SP4: variants seen among roughly 807,000 people sequenced by gnomAD.
SP4 encodes the protein Sp4 transcription factor.
A neutral mutation model predicts 72.8 loss-of-function variants in SP4; 19 were observed. The observed-to-expected ratio is 0.26, with a 90% CI of 0.18 to 0.38. The LOEUF is 0.38. Among genes scored for constraint, SP4 ranks in the 10% least tolerant of loss-of-function variants. The pLI, the probability that SP4 is intolerant of heterozygous loss-of-function variation, is 1.00. For synonymous variants in SP4, 395 were observed against 333.1 expected (o/e 1.19, Z -2.02); for missense variants, 1,008 against 926.3 (o/e 1.09, Z -1.14).
rs563760509 is a variant in SP4 at position 21,478,683 on chromosome 7, G to C, written c.1907+1376G>C. Reference sequence around the variant, plus strand: ...GGAGAAATGTTTATTTGGATCTTTTGCCCATTTTAAATTATATTATTTATT... The same window carrying C: ...GGAGAAATGTTTATTTGGATCTTTTCCCCATTTTAAATTATATTATTTATT... On this transcript the variant is annotated intron_variant, in intron 4 of 5. Coordinates refer to ENST00000222584, the MANE Select transcript of SP4 (RefSeq NM_003112.5). Among the ~76,000 whole-genome samples, 4 of 152,184 alleles carry C rather than the reference G, an allele frequency of 2.6e-5. No homozygotes were observed. In the East Asian group the frequency reaches 7.7e-4, roughly 29 times the overall value.
At chr7:21,470,651 A>T (rs554606087) in intron 3 of SP4, among the ~76,000 whole-genome samples, 11 of 152,234 alleles carry the variant, frequency 7.2e-5, no homozygotes, top group Admixed American at 3.9e-4. Context: ...AGAAATGTCC[A>T]ACAAGCTAGA....
chr7:21,443,869 T>G (rs1402100679), intron 3 of SP4, among the ~76,000 whole-genome samples: 1 of 152,264 alleles, frequency 6.6e-6, no homozygotes, highest in East Asian at 1.9e-4. Context: ...AATCTACATA[T>G]GAACCAGGTT....
At chr7:21,510,945 C>T in intron 5 of SP4, 77 bp from the exon 6 acceptor site, 1 of 1,389,294 alleles carries the variant, frequency 7.2e-7, no homozygotes, top group Non-Finnish European at 9.8e-7. Context: ...ATAATGTGAC[C>T]AGAAGGGAGA....
intron 3 of SP4, among the ~76,000 whole-genome samples, chr7:21,447,403 G>A (rs901931770): frequency 3.3e-5 from 5 of 152,184 alleles, no homozygotes; most frequent in South Asian, 2.1e-4. Flanking sequence ...CTTCTGGTTA[G>A]TGTGCCCCAG....
intron 3 of SP4, among the ~76,000 whole-genome samples, chr7:21,458,954 A>G (rs1413487147): frequency 6.6e-6 from 1 of 152,192 alleles, no homozygotes; most frequent in African/African-American, 2.4e-5. Context: ...GTGTTGGACC[A>G]ACCTCTCTTG....
At chr7:21,499,022 G>T (rs1193433222) in intron 5 of SP4, among the ~76,000 whole-genome samples, 1 of 148,176 alleles carries the variant, frequency 6.7e-6, no homozygotes, top group Non-Finnish European at 1.5e-5. Flanking sequence ...AGAGCTTACA[G>T]TGAGCCGAGA....
chr7:21,468,448 A>T (rs985984891), intron 3 of SP4, among the ~76,000 whole-genome samples: 1 of 152,032 alleles, frequency 6.6e-6, no homozygotes, highest in African/African-American at 2.4e-5. Context: ...AATCTTCCTC[A>T]AGATCTTGCA....
At chr7:21,491,893 T>TA (rs141984481) in intron 5 of SP4, among the ~76,000 whole-genome samples, 116,121 of 151,664 alleles carry the variant, frequency 0.77, 45,048 homozygotes, top group East Asian at 0.9. Flanking sequence ...TTCTTCAAGG[T>TA]AAAATTAATT....
At chr7:21,461,453 C>T (rs1016865680) in intron 3 of SP4, among the ~76,000 whole-genome samples, 3 of 152,166 alleles carry the variant, frequency 2.0e-5, no homozygotes, top group South Asian at 2.1e-4. Flanking sequence ...GGGGACCCGG[C>T]GCATCCTCCG....
intron 5 of SP4, among the ~76,000 whole-genome samples, chr7:21,500,758 C>G (rs1333266658): frequency 1.3e-5 from 2 of 152,178 alleles, no homozygotes; most frequent in Non-Finnish European, 2.9e-5. Context: ...AAAGAAAGCT[C>G]TTCGCTTTTA....
intron 3 of SP4, among the ~76,000 whole-genome samples, chr7:21,441,099 CAA>C (rs778725417): frequency 6.6e-6 from 1 of 152,090 alleles, no homozygotes; most frequent in Non-Finnish European, 1.5e-5. Flanking sequence ...GCATGGAAAA[CAA>C]GTGTGAGAGC....
chr7:21,466,077 A>C (rs1784159475), intron 3 of SP4, among the ~76,000 whole-genome samples: 1 of 151,974 alleles, frequency 6.6e-6, no homozygotes, highest in Non-Finnish European at 1.5e-5. Context: ...TTTCTTTTTG[A>C]CAGTAAATCA....
intron 3 of SP4, among the ~76,000 whole-genome samples, chr7:21,463,076 CTTTTTTT>C (rs578120285): frequency 4.4e-5 from 6 of 137,904 alleles, no homozygotes; most frequent in African/African-American, 1.6e-4. Flanking sequence ...AATAACTTTT[CTTTTTTT>C]TTTTTTTTGA....
At chr7:21,510,406 C>G (rs941077442) in intron 5 of SP4, among the ~76,000 whole-genome samples, 1 of 152,044 alleles carries the variant, frequency 6.6e-6, no homozygotes, top group Non-Finnish European at 1.5e-5. Flanking sequence ...AGAAGTCGGT[C>G]CAGTAAAACT....
intron 5 of SP4, among the ~76,000 whole-genome samples, chr7:21,495,448 AC>A (rs904017961): frequency 6.6e-6 from 1 of 151,926 alleles, no homozygotes; most frequent in African/African-American, 2.4e-5. Context: ...TTGACACTTC[AC>A]CAGAGAACAT....
At chr7:21,469,753 A>G (rs1432873013) in intron 3 of SP4, among the ~76,000 whole-genome samples, 1 of 152,062 alleles carries the variant, frequency 6.6e-6, no homozygotes, top group Non-Finnish European at 1.5e-5. Context: ...CATATTGGCC[A>G]GGCTAGGACT....
At position 21,477,144 on chromosome 7, in the gene SP4, G is replaced by A; in HGVS notation, c.1744G>A (p.Val582Ile). 2 of 1,614,156 alleles carry A rather than the reference G, an allele frequency of 1.2e-6. No homozygotes were observed. Among genetic ancestry groups the A allele is most frequent in the Non-Finnish European group, 8.5e-7 (1 of 1,179,988 alleles). ...TACTATAGCTCCTGTAACTGTAGCA[G>A]TTGGAGGAATTGCTAATGCCACGAT... Reference protein sequence around the residue: ...QATIAPVTVAVGGIANATIGA... With the variant: ...QATIAPVTVAIGGIANATIGA... Residue 582 changes from valine to isoleucine, a missense_variant, in exon 4 of 6, where the codon GTT becomes ATT. Around this residue, in one of 3 missense-constraint regions of SP4, gnomAD observed 893 missense variants for 743.3 expected, o/e 1.20. Transcript: ENST00000222584.
At chr7:21,496,697 G>C (rs933507802) in intron 5 of SP4, among the ~76,000 whole-genome samples, 2 of 151,492 alleles carry the variant, frequency 1.3e-5, no homozygotes, top group African/African-American at 4.8e-5. Flanking sequence ...TTTTCAAATT[G>C]GGGAAGTTTT....
chr7:21,467,537 C>G (rs978499390), intron 3 of SP4, among the ~76,000 whole-genome samples: 1 of 152,138 alleles, frequency 6.6e-6, no homozygotes, highest in Non-Finnish European at 1.5e-5. Flanking sequence ...CTCCCCAGCC[C>G]TAAGCATATT....
Sources: allele counts gnomAD v4.1 joint callset (sites outside exome capture counted in the v4.1 genomes callset), GRCh38; gene constraint gnomAD v4.1.1; regional missense constraint gnomAD v4.1.1; transcripts MANE v1.5; gene names NCBI Gene and HGNC (gene_info 2026-07-23, HGNC 2026-07-21).